Variants in DIAPH2 observed in about 807,000 individuals in gnomAD.
DIAPH2 encodes the protein protein diaphanous homolog 2.
Under a neutral mutation model 92.7 loss-of-function variants are expected in DIAPH2, and 35 were observed. That is an observed-to-expected ratio of 0.38 (90% CI 0.29 to 0.50). The LOEUF (loss-of-function observed/expected upper bound fraction) is 0.50. Among genes scored for constraint, DIAPH2 ranks in the 20% least tolerant of loss-of-function variants. The pLI is 0.94. For synonymous variants in DIAPH2, 301 were observed against 280.4 expected, an observed-to-expected ratio of 1.07 and a Z score of -0.73; for missense variants, 701 against 819.5, an observed-to-expected ratio of 0.86 and a Z score of 1.77.
intron 10 of DIAPH2, among the ~76,000 whole-genome samples, chrX:96,936,078 G>T (rs1006178276): frequency 9.0e-6 from 1 of 111,568 alleles, no homozygotes; most frequent in Admixed American, 9.6e-5. Flanking sequence ...TAGAGCTAAA[G>T]CAAGTTATTA....
At chrX:97,372,151 G>C (rs955963990) in intron 24 of DIAPH2, among the ~76,000 whole-genome samples, 2 of 112,267 alleles carry the variant, frequency 1.8e-5, no homozygotes, top group African/African-American at 6.5e-5. Context: ...TGACGGGAGA[G>C]ACAGTTTTTC....
chrX:97,268,926 G>A (rs978922853), intron 23 of DIAPH2, among the ~76,000 whole-genome samples: 3 of 98,996 alleles, frequency 3.0e-5, no homozygotes, highest in Non-Finnish European at 6.0e-5. Flanking sequence ...GTGCAATCTC[G>A]GCTCACTGCA....
At chrX:97,309,778 A>G (rs2068778564) in intron 23 of DIAPH2, among the ~76,000 whole-genome samples, 1 of 112,218 alleles carries the variant, frequency 8.9e-6, no homozygotes, top group African/African-American at 3.2e-5. Context: ...AGATATTCCA[A>G]CTAAAATTTT....
intron 5 of DIAPH2, among the ~76,000 whole-genome samples, chrX:96,883,401 A>G (rs1357597900): frequency 1.9e-4 from 20 of 103,730 alleles, no homozygotes; most frequent in African/African-American, 6.7e-4. Flanking sequence ...TTTTTTTGAG[A>G]CGGAGTTTTG....
At chrX:96,774,384 A>C (rs1395163106) in intron 4 of DIAPH2, among the ~76,000 whole-genome samples, 2 of 111,860 alleles carry the variant, frequency 1.8e-5, no homozygotes, top group East Asian at 5.6e-4. Flanking sequence ...TGCCAACTGG[A>C]GAATACCTAC....
intron 8 of DIAPH2, among the ~76,000 whole-genome samples, chrX:96,917,566 A>G (rs2065513181): frequency 3.6e-5 from 4 of 111,528 alleles, no homozygotes; most frequent in African/African-American, 9.7e-5. Flanking sequence ...TAGATTTTCA[A>G]TATTCATAAA....
At chrX:96,699,338 A>G (rs1489799101) in intron 1 of DIAPH2, among the ~76,000 whole-genome samples, 2 of 112,000 alleles carry the variant, frequency 1.8e-5, no homozygotes, top group Non-Finnish European at 3.8e-5. Context: ...GGAAGGATAT[A>G]GCATTCCCAT....
chrX:97,224,025 A>G (rs1189142611), intron 22 of DIAPH2, among the ~76,000 whole-genome samples: 1 of 111,633 alleles, frequency 9.0e-6, no homozygotes, highest in Admixed American at 9.5e-5. Flanking sequence ...TAACGATAGC[A>G]CATGATGCTG....
At chrX:97,522,970 A>G (rs768377113) in intron 26 of DIAPH2, among the ~76,000 whole-genome samples, 1 of 112,112 alleles carries the variant, frequency 8.9e-6, no homozygotes, top group East Asian at 2.8e-4. Flanking sequence ...TGACAGATTC[A>G]GGTGGGGCTT....
chrX:97,394,808 T>C (rs1021148848), intron 25 of DIAPH2, among the ~76,000 whole-genome samples: 4 of 111,956 alleles, frequency 3.6e-5, no homozygotes, highest in African/African-American at 1.3e-4. Context: ...ACCCTGCTGG[T>C]TGAATCTGCT....
chrX:97,093,347 A>G (rs931447855), intron 19 of DIAPH2, among the ~76,000 whole-genome samples: 6 of 111,356 alleles, frequency 5.4e-5, no homozygotes, highest in African/African-American at 1.6e-4. Flanking sequence ...CAAGTTCTCA[A>G]TCCTGCCCAA....
In DIAPH2 at chrX:97,511,539, G is replaced by C. The variant is rs867094070; in HGVS notation, c.3241+81794G>C. On this transcript the variant is annotated intron_variant, in intron 26 of 26. Coordinates refer to ENST00000324765, the MANE Select transcript of DIAPH2 (RefSeq NM_006729.5). ...TAATTGCCCTGGCCAGAACTTCCAA[G>C]ACTATGTTGAATAGGAGTGGTGAGA... Among the ~76,000 whole-genome samples, 586 of 108,022 alleles carry C rather than the reference G, an allele frequency of 5.4e-3. 4 individuals are homozygous for C. Among genetic ancestry groups the C allele is most frequent in the Non-Finnish European group, 8.8e-3 (452 of 51,653 alleles). The allele number at this position is 108,022 out of a possible 115,157, so 93.8% of individuals were successfully genotyped here. A position where few individuals can be genotyped will look rare whatever the true frequency, so the allele number is the denominator to read the frequency against.
rs779007266 is a variant in DIAPH2 at position 97,369,657 on chromosome X, G to GCTACCC, written c.3010-14250_3010-14245dup. On this transcript the variant is annotated intron_variant, in intron 24 of 26. Transcript: ENST00000324765. Reference sequence around the variant, plus strand: ...AGACAACATCAATAAAGGGAAAGGTGCTACCCCATAATTACTGAAAGGACA... The same window carrying GCTACCC: ...AGACAACATCAATAAAGGGAAAGGTGCTACCCCTACCCCATAATTACTGAAAGGACA... Among the ~76,000 whole-genome samples the GCTACCC allele has an allele frequency of 2.5e-3, 278 of 110,904 alleles. 1 individual carries two copies. The highest frequency in any genetic ancestry group is 8.6e-3 in the African/African-American group (262 of 30,563).
chrX:97,359,654 T>G (rs1355373809), intron 24 of DIAPH2, among the ~76,000 whole-genome samples: 3 of 102,199 alleles, frequency 2.9e-5, no homozygotes, highest in Non-Finnish European at 5.9e-5. Context: ...CTCGGCTCAC[T>G]GCAACCTCCG....
intron 23 of DIAPH2, among the ~76,000 whole-genome samples, chrX:97,347,053 A>G (rs1286656438): frequency 1.9e-5 from 2 of 106,386 alleles, no homozygotes; most frequent in African/African-American, 6.9e-5. Context: ...ACACACATAT[A>G]TAACACTCAT....
At chrX:97,010,515 G>A (rs373944197) in intron 17 of DIAPH2, among the ~76,000 whole-genome samples, 4 of 111,776 alleles carry the variant, frequency 3.6e-5, no homozygotes, top group African/African-American at 1.3e-4. Flanking sequence ...GTGTTCTTGT[G>A]GGGAGGATGA....
Position 96,945,527 on chromosome X carries a change from A to G in DIAPH2, c.1445A>G (p.Asp482Gly), listed in dbSNP as rs760452040. The G allele has an allele frequency of 1.4e-5, 16 of 1,165,251 alleles. No homozygotes were observed. Among genetic ancestry groups the G allele is most frequent in the Non-Finnish European group, 1.8e-5 (16 of 877,485 alleles). Residue 482 changes from aspartate (D) to glycine (G), a missense_variant and splice_region_variant, in exon 14 of 27, where the codon GAT (aspartate) becomes GGT (glycine). Physicochemically the swap from Asp to Gly is moderately conservative, Grantham distance 94 (BLOSUM62 -1). Transcript: ENST00000324765. ...RLDIDLTHLI[D>G]SCVNKAKVEE... is the part of the protein sequence containing the mutation. The stretch of plus-strand genomic sequence containing the variant: ...AATCACTTTTGTTTGATCTTAATAG[A>G]TTCTTGTGTGAACAAGGCGAAAGTT...
rs1569432665 is a variant in DIAPH2, at chrX:97,599,368, A to AT, written c.*55dup. On this transcript the variant is annotated 3_prime_UTR_variant, in exon 27 of 27. Coordinates refer to ENST00000324765, the MANE Select transcript of DIAPH2 (RefSeq NM_006729.5). ...TATTTAAGTAAAAACAAAATGATGC[A>AT]TTTTGAGAAGAACAAAGTGTGCACT... 5 of 923,973 alleles carry AT rather than the reference A, an allele frequency of 5.4e-6. No homozygotes were observed. Among genetic ancestry groups the AT allele is most frequent in the Non-Finnish European group, 7.6e-6 (5 of 659,836 alleles). The allele number at this position is 923,973 out of a possible 1,213,427, so 76.1% of individuals were successfully genotyped here.
At chrX:97,226,005 A>G (rs901153627) in intron 22 of DIAPH2, among the ~76,000 whole-genome samples, 2 of 111,843 alleles carry the variant, frequency 1.8e-5, no homozygotes, top group Non-Finnish European at 1.9e-5. Context: ...ATGCTTATTG[A>G]ATAGATAGGA....
Sources: allele counts gnomAD v4.1 joint callset (sites outside exome capture counted in the v4.1 genomes callset), GRCh38; gene constraint gnomAD v4.1.1; transcripts MANE v1.5; gene names NCBI Gene and HGNC (gene_info 2026-07-23, HGNC 2026-07-21).